The following PTPRA variants were observed in gnomAD, a reference collection of about 807,000 sequenced individuals.
The protein encoded by PTPRA is receptor-type tyrosine-protein phosphatase alpha.
Under a neutral mutation model 104.8 loss-of-function variants are expected in PTPRA, and 25 were observed. The ratio of observed to expected loss-of-function variants is 0.24; its 90% confidence interval spans 0.17 to 0.33. The LOEUF (loss-of-function observed/expected upper bound fraction) is 0.33. Ranked by LOEUF, PTPRA falls within the 10% of genes least tolerant of loss-of-function variation. PTPRA has a pLI of 1.00. For synonymous variants in PTPRA, 323 were observed against 368.9 expected, an observed-to-expected ratio of 0.88 and a Z score of 1.43; for missense variants, 765 against 1,015.3, an observed-to-expected ratio of 0.75 and a Z score of 3.35.
chr20:2,901,844 T>G (rs568437916), intron 1 of PTPRA, among the ~76,000 whole-genome samples: 12 of 152,142 alleles, frequency 7.9e-5, no homozygotes, highest in African/African-American at 2.9e-4. Context: ...ATTTAGATAT[T>G]TTATTCATAA....
At chr20:2,873,301 G>A (rs948820170), upstream of PTPRA, 1 of 152,256 alleles carries the variant, frequency 6.6e-6, no homozygotes, top group African/African-American at 2.4e-5. The surrounding 1 kb of genome is among the most constrained non-coding windows in gnomAD (Gnocchi z 4.4). Context: ...GCAGCCCCGG[G>A]GCGAACCCCT....
chr20:3,006,955 T>C (rs1457666697), intron 10 of PTPRA, among the ~76,000 whole-genome samples: 1 of 152,116 alleles, frequency 6.6e-6, no homozygotes, highest in African/African-American at 2.4e-5. Context: ...TGTGCACATG[T>C]TGGAGGAGGG....
chr20:3,022,831 G>C lies in PTPRA; in HGVS notation c.1464+7G>C, dbSNP rs745688604. The C allele has an allele frequency of 2.5e-6, 4 of 1,614,158 alleles. No homozygotes were observed. Among genetic ancestry groups the C allele is most frequent in the East Asian group, 4.5e-5 (2 of 44,888 alleles). ...CCAGATGGTGCAAACCGATGTGAGTGATCTGTGGGTCAGGTGAGGGTGGGG... is the reference window on the plus strand; with the variant it reads ...CCAGATGGTGCAAACCGATGTGAGTCATCTGTGGGTCAGGTGAGGGTGGGG... On this transcript the variant is annotated splice_region_variant and intron_variant, in intron 16 of 23. Transcript: ENST00000399903. The surrounding 1 kb of genome is among the most constrained non-coding windows in gnomAD (Gnocchi z 4.6).
At chr20:2,999,705 T>C (rs2063548305) in intron 9 of PTPRA, among the ~76,000 whole-genome samples, 1 of 152,192 alleles carries the variant, frequency 6.6e-6, no homozygotes, top group Non-Finnish European at 1.5e-5. Context: ...CAAAAACCAA[T>C]TCCAGTTGCT....
chr20:2,977,506 C>CA lies in PTPRA; in HGVS notation c.442+2266dup, dbSNP rs2062486327. On this transcript the variant is annotated intron_variant, in intron 6 of 23. Transcript: ENST00000399903. ...ACTAAAAATACAAAAATTAACCAGG[C>CA]ATGTGGTACGTACCTGTAGTCCCAG... 2.0e-5 allele frequency among the ~76,000 whole-genome samples: 3 copies of CA among 151,590 alleles called. No individual in the cohort carries two copies. The East Asian group carries it at 5.9e-4, about 30-fold the overall frequency.
chr20:2,932,987 A>C (rs1403398559), intron 2 of PTPRA, among the ~76,000 whole-genome samples: 2 of 152,182 alleles, frequency 1.3e-5, no homozygotes, highest in Non-Finnish European at 2.9e-5. Flanking sequence ...TACTATCCTG[A>C]GGTTTCTGGT....
intron 20 of PTPRA, among the ~76,000 whole-genome samples, chr20:3,034,011 G>A (rs1394983350): frequency 6.6e-6 from 1 of 150,642 alleles, no homozygotes; most frequent in Non-Finnish European, 1.5e-5. Context: ...GCTCACGCCT[G>A]TGTAATCCTA....
chr20:2,864,981 A>G, the PTPRA span: 1 of 1,614,030 alleles, frequency 6.2e-7, no homozygotes. The surrounding 1 kb of genome is among the most constrained non-coding windows in gnomAD (Gnocchi z 5.2). Context: ...TTTATAGCGT[A>G]TTGAGGGGCG....
intron 9 of PTPRA, among the ~76,000 whole-genome samples, chr20:2,988,942 G>C (rs2063023593): frequency 6.6e-6 from 1 of 152,222 alleles, no homozygotes; most frequent in African/African-American, 2.4e-5. Flanking sequence ...TTGCCTTTTT[G>C]AGTCTAGAGC....
chr20:2,989,846 T>C (rs1465109339), intron 9 of PTPRA, among the ~76,000 whole-genome samples: 3 of 152,012 alleles, frequency 2.0e-5, no homozygotes, highest in East Asian at 1.9e-4. Context: ...TGAAACCCTG[T>C]CTCTACTAAA....
intron 11 of PTPRA, among the ~76,000 whole-genome samples, chr20:3,013,312 G>A (rs753412180): frequency 6.6e-6 from 1 of 152,220 alleles, no homozygotes; most frequent in Non-Finnish European, 1.5e-5. Flanking sequence ...GTTCACAGGA[G>A]GAGATGAAAC....
chr20:2,914,442 GCT>G (rs1491428341), intron 1 of PTPRA, among the ~76,000 whole-genome samples: 22 of 132,422 alleles, frequency 1.7e-4, no homozygotes, highest in African/African-American at 6.0e-4. Flanking sequence ...TTTATTTCTT[GCT>G]CTGTGTGTGT....
chr20:2,899,299 G>A (rs142361940), intron 1 of PTPRA, among the ~76,000 whole-genome samples: 214 of 152,254 alleles, frequency 1.4e-3, no homozygotes, highest in Non-Finnish European at 2.7e-3. Flanking sequence ...TAATTTATAG[G>A]TATGAATGAC....
chr20:2,987,523 T>A (rs1289171923), intron 7 of PTPRA, among the ~76,000 whole-genome samples: 1 of 152,162 alleles, frequency 6.6e-6, no homozygotes, highest in African/African-American at 2.4e-5. Context: ...CTGTGCTCCC[T>A]CTGTTCTTCT....
chr20:2,984,880 TC>T (rs140372505), intron 6 of PTPRA, among the ~76,000 whole-genome samples: 3,437 of 152,312 alleles, frequency 0.023, 127 homozygotes, highest in African/African-American at 0.077. Flanking sequence ...GTATATTACT[TC>T]CTCAGAGAGA....
At chr20:2,881,242 C>T (rs943192207) in intron 1 of PTPRA, among the ~76,000 whole-genome samples, 1 of 151,106 alleles carries the variant, frequency 6.6e-6, no homozygotes, top group Admixed American at 6.6e-5. Context: ...GCCCAGGAGG[C>T]GGAGTTTGCA....
chr20:3,022,669 C>T lies in PTPRA; in HGVS notation c.1329-20C>T. 6.2e-7 allele frequency: 1 copy of T among 1,614,008 alleles called. No homozygotes were observed. The highest frequency in any genetic ancestry group is 8.5e-7 in the Non-Finnish European group (1 of 1,179,952). On this transcript the variant is annotated intron_variant, in intron 15 of 23. Coordinates refer to ENST00000399903, the MANE Select transcript of PTPRA (RefSeq NM_001385305.1). The surrounding 1 kb of genome is among the most constrained non-coding windows in gnomAD (Gnocchi z 4.6). ...AAGGCAGGCTGGCCATCCCTATAAC[C>T]CCCTGCTCTCTGGCTACAGTGCAGG...
intron 9 of PTPRA, among the ~76,000 whole-genome samples, chr20:2,998,500 G>A (rs540036745): frequency 6.6e-6 from 1 of 152,332 alleles, no homozygotes; most frequent in Admixed American, 6.5e-5. Flanking sequence ...CCACTGTCCA[G>A]AGAGTTGGGA....
At chr20:3,033,920 A>G (rs1424893956) in intron 20 of PTPRA, among the ~76,000 whole-genome samples, 1 of 119,636 alleles carries the variant, frequency 8.4e-6, no homozygotes, top group Non-Finnish European at 1.8e-5. Context: ...AAAAAAAAAA[A>G]TCCTCTTTGG....
Sources: allele counts gnomAD v4.1 joint callset (sites outside exome capture counted in the v4.1 genomes callset), GRCh38; gene constraint gnomAD v4.1.1; non-coding constraint Gnocchi (gnomAD v3.1); transcripts MANE v1.5; gene names NCBI Gene and HGNC (gene_info 2026-07-23, HGNC 2026-07-21).